The following AJAP1 variants were observed in gnomAD, a reference collection of about 807,000 sequenced individuals.
The protein encoded by AJAP1 is adherens junctions associated protein 1.
Under a neutral mutation model 35.0 loss-of-function variants are expected in AJAP1, and 5 were observed. The observed-to-expected ratio is 0.14, with a 90% CI of 0.07 to 0.30. The LOEUF is 0.30. AJAP1 is among the 10% of genes least tolerant of loss of function. The pLI, the probability that AJAP1 is intolerant of heterozygous loss-of-function variation, is 1.00. For missense variants in AJAP1, 586 were observed against 571.0 expected, an observed-to-expected ratio of 1.03 and a Z score of -0.27; for synonymous variants, 284 against 249.3, an observed-to-expected ratio of 1.14 and a Z score of -1.31.
At chr1:4,766,865 T>C (rs1292323686) in intron 2 of AJAP1, among the ~76,000 whole-genome samples, 1 of 152,004 alleles carries the variant, frequency 6.6e-6, no homozygotes, top group East Asian at 1.9e-4. Flanking sequence ...AGGCACCCAG[T>C]TTGTCAGACA....
chr1:4,656,394 G>C lies in AJAP1; in HGVS notation c.29+940G>C, dbSNP rs1557595937. The stretch of plus-strand genomic sequence containing the variant: ...CACCGAGCTCGTGCATTTGGGTCCC[G>C]GGTTGGAACCGCGAGCGGGGAGGAC... On this transcript the variant is annotated intron_variant, in intron 1 of 5. Coordinates refer to ENST00000378191, the MANE Select transcript of AJAP1 (RefSeq NM_018836.4). The surrounding 1 kb of genome is among the most constrained non-coding windows in gnomAD (Gnocchi z 5.7). Among the ~76,000 whole-genome samples, 1 of 152,224 alleles carries C rather than the reference G, an allele frequency of 6.6e-6. No individual in the cohort carries two copies. Among genetic ancestry groups the C allele is most frequent in the Non-Finnish European group, 1.5e-5 (1 of 68,046 alleles).
rs183299078 is a variant in AJAP1, at chr1:4,723,961, A to G, written c.829+11262A>G. Among the ~76,000 whole-genome samples the G allele has an allele frequency of 2.6e-5, 4 of 152,326 alleles. No homozygotes were observed. The highest frequency in any genetic ancestry group is 5.9e-5 in the Non-Finnish European group (4 of 68,030). Reference sequence around the variant, plus strand: ...GTGTGCTGTTGGCTGAGCTCGCTATAGAGACCTCAAGAGGTGTCCAAGAAA... The same window carrying G: ...GTGTGCTGTTGGCTGAGCTCGCTATGGAGACCTCAAGAGGTGTCCAAGAAA... On this transcript the variant is annotated intron_variant, in intron 2 of 5. Transcript: ENST00000378191. This position sits in a 1 kb window ranked among gnomAD's most constrained non-coding sequence, Gnocchi z 4.3.
intron 1 of AJAP1, among the ~76,000 whole-genome samples, chr1:4,679,469 G>A (rs903416507): frequency 2.0e-5 from 3 of 152,202 alleles, no homozygotes; most frequent in African/African-American, 7.2e-5. Flanking sequence ...ACTTCAGGCT[G>A]TCTGCATTAG....
At chr1:4,735,074 G>A (rs1225660599) in intron 2 of AJAP1, among the ~76,000 whole-genome samples, 3 of 152,334 alleles carry the variant, frequency 2.0e-5, no homozygotes, top group South Asian at 2.1e-4. Context: ...GACCCTTGAG[G>A]GTGATAGAGG....
chr1:4,750,102 G>A lies in AJAP1; in HGVS notation c.830-19751G>A, dbSNP rs1365520014. 2.6e-5 allele frequency among the ~76,000 whole-genome samples: 4 copies of A among 152,214 alleles called. No individual in the cohort carries two copies. The South Asian group carries it at 8.3e-4, about 32-fold the overall frequency. On this transcript the variant is annotated intron_variant, in intron 2 of 5. Coordinates refer to ENST00000378191, the MANE Select transcript of AJAP1 (RefSeq NM_018836.4). ...GTTGTGTTTGGGTCAGTATATGCTA[G>A]AGCATATGTGTTTGGCTGTGCATGT...
rs914297068 is a variant in AJAP1, at chr1:4,692,326, C to G, written c.30-19574C>G. On this transcript the variant is annotated intron_variant, in intron 1 of 5. Coordinates refer to ENST00000378191, the MANE Select transcript of AJAP1 (RefSeq NM_018836.4). This position sits in a 1 kb window ranked among gnomAD's most constrained non-coding sequence, Gnocchi z 4.4. ...CTGGGCTGCTCTCCTCTCTCCGTCT[C>G]TGGGCCCCTCATGCAGCCCTTTCCC... Among the ~76,000 whole-genome samples, 9 of 152,306 alleles carry G rather than the reference C, an allele frequency of 5.9e-5. No homozygotes were observed. In the East Asian group the frequency reaches 1.7e-3, roughly 29 times the overall value.
chr1:4,705,216 C>T (rs1312902776), intron 1 of AJAP1, among the ~76,000 whole-genome samples: 2 of 151,926 alleles, frequency 1.3e-5, no homozygotes, highest in Non-Finnish European at 2.9e-5. Context: ...CCCTTCCTTA[C>T]ACCTTATACA....
intron 1 of AJAP1, among the ~76,000 whole-genome samples, chr1:4,690,210 C>G (rs1639707938): frequency 1.3e-5 from 2 of 152,204 alleles, no homozygotes; most frequent in South Asian, 4.1e-4. Flanking sequence ...TCCAGACCCT[C>G]CAGGAGGTTT....
chr1:4,734,684 C>T lies in AJAP1; in HGVS notation c.829+21985C>T, dbSNP rs532486692. On this transcript the variant is annotated intron_variant, in intron 2 of 5. Coordinates refer to ENST00000378191, the MANE Select transcript of AJAP1 (RefSeq NM_018836.4). The surrounding 1 kb of genome is among the most constrained non-coding windows in gnomAD (Gnocchi z 4.3). The stretch of plus-strand genomic sequence containing the variant: ...TGCACTGGATGGGGCTGGAGTGGCA[C>T]CTGTGGGCGATGCTGAATATGATGC... 6.6e-6 allele frequency among the ~76,000 whole-genome samples: 1 copy of T among 152,100 alleles called. No homozygotes were observed. Among genetic ancestry groups the T allele is most frequent in the African/African-American group, 2.4e-5 (1 of 41,418 alleles).
chr1:4,745,809 C>T (rs927583931), intron 2 of AJAP1, among the ~76,000 whole-genome samples: 6 of 152,292 alleles, frequency 3.9e-5, no homozygotes, highest in Middle Eastern at 6.8e-3. Context: ...TGATGTCCCT[C>T]TGTTGCTGGG....
At chr1:4,751,141 C>T (rs1383032524) in intron 2 of AJAP1, among the ~76,000 whole-genome samples, 1 of 152,068 alleles carries the variant, frequency 6.6e-6, no homozygotes, top group Non-Finnish European at 1.5e-5. Flanking sequence ...TGGACAGGTG[C>T]TCCTCCTCCA....
chr1:4,667,730 T>C (rs1055006903), intron 1 of AJAP1, among the ~76,000 whole-genome samples: 24 of 152,110 alleles, frequency 1.6e-4, no homozygotes, highest in African/African-American at 5.6e-4. Flanking sequence ...GGGGACCCCT[T>C]CCTTAGAGAA....
At chr1:4,764,276 G>A (rs74051965) in intron 2 of AJAP1, among the ~76,000 whole-genome samples, 8 of 152,298 alleles carry the variant, frequency 5.3e-5, no homozygotes, top group African/African-American at 1.9e-4. Context: ...ACACTCCTTT[G>A]TGTCCCTGAC....
chr1:4,780,800 G>A (rs1187992142), intron 5 of AJAP1, among the ~76,000 whole-genome samples: 4 of 151,828 alleles, frequency 2.6e-5, no homozygotes, highest in Non-Finnish European at 4.4e-5. Flanking sequence ...CCTAATTTTT[G>A]TATTTTCACT....
In AJAP1 at chr1:4,782,111, C is replaced by T. The variant is rs909398454; in HGVS notation, c.*60-434C>T. On this transcript the variant is annotated intron_variant, in intron 5 of 5. Coordinates refer to ENST00000378191, the MANE Select transcript of AJAP1 (RefSeq NM_018836.4). The surrounding 1 kb of genome is among the most constrained non-coding windows in gnomAD (Gnocchi z 5.3). ...TTCTTCCCGCAGCACAGGAGTGGAG[C>T]AGGCCCCACGCCACCCTCCATGGGA... Among the ~76,000 whole-genome samples, 1 of 152,182 alleles carries T rather than the reference C, an allele frequency of 6.6e-6. No homozygotes were observed. Among genetic ancestry groups the T allele is most frequent in the Non-Finnish European group, 1.5e-5 (1 of 68,018 alleles).
In AJAP1 at chr1:4,752,946, A is replaced by G. The variant is rs117348342; in HGVS notation, c.830-16907A>G. ...CATGTTCTCTTCAAACTTCCCGCCAACCCTTCCTGGGGTGCTCCTTGGCCA... is the reference window on the plus strand; with the variant it reads ...CATGTTCTCTTCAAACTTCCCGCCAGCCCTTCCTGGGGTGCTCCTTGGCCA... On this transcript the variant is annotated intron_variant, in intron 2 of 5. Transcript: ENST00000378191. Among the ~76,000 whole-genome samples, 624 of 151,982 alleles carry G rather than the reference A, an allele frequency of 4.1e-3. 18 individuals are homozygous for G. The East Asian group carries it at 0.088, about 22-fold the overall frequency.
chr1:4,669,243 T>A (rs1028750409), intron 1 of AJAP1, among the ~76,000 whole-genome samples: 1 of 152,222 alleles, frequency 6.6e-6, no homozygotes, highest in African/African-American at 2.4e-5. Flanking sequence ...ACTTACCTAC[T>A]TCCTGTGTCT....
At chr1:4,699,837 T>G (rs550133732) in intron 1 of AJAP1, among the ~76,000 whole-genome samples, 1 of 152,346 alleles carries the variant, frequency 6.6e-6, no homozygotes, top group East Asian at 1.9e-4. Flanking sequence ...ATGCCAACTC[T>G]TCCCCTAGGG....
chr1:4,779,020 A>G (rs955240951), intron 5 of AJAP1, among the ~76,000 whole-genome samples: 1 of 152,208 alleles, frequency 6.6e-6, no homozygotes, highest in African/African-American at 2.4e-5. Flanking sequence ...TGCCTTGCAC[A>G]TCTGCCCAGA....
Sources: gnomAD v4.1 joint callset for allele counts (sites outside exome capture counted in the v4.1 genomes callset) on GRCh38, gnomAD v4.1.1 for gene constraint, Gnocchi (gnomAD v3.1) non-coding constraint, MANE v1.5 for transcripts, NCBI Gene and HGNC (gene_info 2026-07-23, HGNC 2026-07-21) for gene names.